PBX1: variants seen among roughly 807,000 people sequenced by gnomAD.
PBX1 encodes the protein PBX homeobox 1.
PBX1 carries 6 observed loss-of-function variants against 53.4 expected under a neutral mutation model. The ratio of observed to expected loss-of-function variants is 0.11; its 90% confidence interval spans 0.06 to 0.22. PBX1 has a LOEUF of 0.22. Ranked by LOEUF, PBX1 falls within the 10% of genes least tolerant of loss-of-function variation. The pLI, the probability that PBX1 is intolerant of heterozygous loss-of-function variation, is 1.00. For synonymous variants in PBX1, 204 were observed against 212.3 expected, an observed-to-expected ratio of 0.96 and a Z score of 0.34; for missense variants, 251 against 551.4, an observed-to-expected ratio of 0.46 and a Z score of 5.46.
At chr1:164,771,287 G>A (rs1161375607) in intron 2 of PBX1, 2 of 152,060 alleles carry the variant, frequency 1.3e-5, no homozygotes, top group African/African-American at 2.4e-5. Context: ...GTTGGGAGAC[G>A]GGGGTGGTGT....
intron 2 of PBX1, among the ~76,000 whole-genome samples, chr1:164,879,285 G>C (rs755667052): frequency 3.9e-5 from 6 of 152,162 alleles, no homozygotes; most frequent in Non-Finnish European, 8.8e-5. Context: ...TTGGAGTTGG[G>C]GGCTAGGGAA....
Position 164,587,085 on chromosome 1 carries a change from TTG to T in PBX1, c.265+23786_265+23787del, listed in dbSNP as rs146359939. Among the ~76,000 whole-genome samples, 328 of 152,144 alleles carry T rather than the reference TTG, an allele frequency of 2.2e-3. 1 individual carries two copies. The highest frequency in any genetic ancestry group is 7.3e-3 in the African/African-American group (304 of 41,502). ...GACATTGAGCAGCATAGGGTGTTGT[TTG>T]TGTGTGTGTGTCCCTGTTTCTCATT... On this transcript the variant is annotated intron_variant, in intron 2 of 8. Coordinates refer to ENST00000420696, the MANE Select transcript of PBX1 (RefSeq NM_002585.4).
chr1:164,821,738 G>A (rs1425578436), intron 8 of PBX1, 112 bp downstream of exon 8: 9 of 793,540 alleles, frequency 1.1e-5, no homozygotes, highest in Admixed American at 4.1e-5. Context: ...TTAGCTTTAC[G>A]GTCACCTAGT....
intron 2 of PBX1, among the ~76,000 whole-genome samples, chr1:164,663,204 TCCTTCCTGCCTTCCTG>T (rs922732686): frequency 1.3e-5 from 2 of 148,916 alleles, no homozygotes; most frequent in Non-Finnish European, 3.0e-5. Context: ...CTTCCTGCCT[TCCTTCCTGCCTTCCTG>T]CCTTCCTGCC....
At chr1:164,860,948 G>A (rs1672081960) in intron 2 of PBX1, among the ~76,000 whole-genome samples, 1 of 152,102 alleles carries the variant, frequency 6.6e-6, no homozygotes, top group South Asian at 2.1e-4. Flanking sequence ...GGAAAATACA[G>A]AGAGAAGGGG....
At chr1:164,721,312 C>T (rs949620379) in intron 2 of PBX1, among the ~76,000 whole-genome samples, 3 of 151,994 alleles carry the variant, frequency 2.0e-5, no homozygotes, top group Non-Finnish European at 4.4e-5. Context: ...GCATATGAAC[C>T]TGGGAGCCAT....
At chr1:164,695,150 T>C (rs1662733312) in intron 2 of PBX1, among the ~76,000 whole-genome samples, 1 of 152,192 alleles carries the variant, frequency 6.6e-6, no homozygotes, top group Admixed American at 6.5e-5. Flanking sequence ...TATTTAAAAT[T>C]TTAAGCTAAG....
chr1:164,775,638 A>G (rs575761176), intron 2 of PBX1, among the ~76,000 whole-genome samples: 1 of 152,160 alleles, frequency 6.6e-6, no homozygotes, highest in African/African-American at 2.4e-5. Context: ...CTGCCCAGTG[A>G]TGTTGGCGTG....
At chr1:164,809,591 C>G (rs1245460498) in intron 5 of PBX1, among the ~76,000 whole-genome samples, 1 of 152,204 alleles carries the variant, frequency 6.6e-6, no homozygotes. Context: ...ATTTACTAAT[C>G]ATGGTTTGTT....
At chr1:164,665,434 G>A (rs563280379) in intron 2 of PBX1, among the ~76,000 whole-genome samples, 17 of 152,144 alleles carry the variant, frequency 1.1e-4, no homozygotes, top group African/African-American at 3.4e-4. Context: ...ACAGGCATGC[G>A]CCACTATGCC....
At chr1:164,828,212 A>T (rs189043612) in intron 8 of PBX1, among the ~76,000 whole-genome samples, 3 of 152,240 alleles carry the variant, frequency 2.0e-5, no homozygotes, top group Admixed American at 6.5e-5. Flanking sequence ...ATGATCTTAA[A>T]CCTAGTGATA....
intron 2 of PBX1, chr1:164,884,434 A>G: frequency 2.9e-6 from 1 of 342,034 alleles, no homozygotes; most frequent in Non-Finnish European, 5.8e-6. Flanking sequence ...GAAAGAAATA[A>G]AAACTGAAAT....
At chr1:164,812,869 T>C (rs540980593) in intron 6 of PBX1, 2 of 152,276 alleles carry the variant, frequency 1.3e-5, no homozygotes, top group East Asian at 3.9e-4. Flanking sequence ...TAGTTAATAA[T>C]GCAAAAAATA....
chr1:164,769,695 A>T (rs1482562124), intron 2 of PBX1, among the ~76,000 whole-genome samples: 1 of 152,202 alleles, frequency 6.6e-6, no homozygotes, highest in Non-Finnish European at 1.5e-5. Context: ...ATCATTTATG[A>T]ATAACTTATA....
At chr1:164,801,708 T>C (rs1669083483) in intron 4 of PBX1, among the ~76,000 whole-genome samples, 1 of 152,356 alleles carries the variant, frequency 6.6e-6, no homozygotes, top group East Asian at 1.9e-4. Flanking sequence ...CAGGGTCTTT[T>C]TCTTGCTTTG....
Position 164,792,066 on chromosome 1 carries a change from A to C in PBX1, c.266-428A>C, listed in dbSNP as rs539507526. Among the ~76,000 whole-genome samples, 534 of 151,708 alleles carry C rather than the reference A, an allele frequency of 3.5e-3. 7 individuals are homozygous for C. Among genetic ancestry groups the C allele is most frequent in the African/African-American group, 0.011 (473 of 41,300 alleles). On this transcript the variant is annotated intron_variant, in intron 2 of 8. Transcript: ENST00000420696. ...TCTCGATCTCCTGACCTCGTGATCA[A>C]CCCCCCACTCAGCCTCCCAAAGTGC...
At chr1:164,603,928 C>CT (rs1557885817) in intron 2 of PBX1, among the ~76,000 whole-genome samples, 6 of 48,730 alleles carry the variant, frequency 1.2e-4, no homozygotes, top group African/African-American at 3.6e-4. Context: ...TATGTCATTT[C>CT]ATTTTTTTTT....
chr1:164,623,220 A>C (rs540945366), intron 2 of PBX1, among the ~76,000 whole-genome samples: 2 of 152,272 alleles, frequency 1.3e-5, no homozygotes, highest in East Asian at 3.9e-4. Context: ...GAGGATCATG[A>C]CTAATGCGGT....
chr1:164,760,743 T>C lies in PBX1; in HGVS notation c.266-31751T>C, dbSNP rs181888733. On this transcript the variant is annotated intron_variant, in intron 2 of 8. Transcript: ENST00000420696. ...TTACAGATGGTACTTGCTTCATCCT[T>C]CTGGACCTGGTTCAATTATAAATGA... Among the ~76,000 whole-genome samples the C allele has an allele frequency of 2.6e-5, 4 of 152,306 alleles. No individual in the cohort carries two copies. The East Asian group carries it at 7.7e-4, about 29-fold the overall frequency.
Sources: gnomAD v4.1 joint callset for allele counts (sites outside exome capture counted in the v4.1 genomes callset) on GRCh38, gnomAD v4.1.1 for gene constraint, MANE v1.5 for transcripts, NCBI Gene and HGNC (gene_info 2026-07-23, HGNC 2026-07-21) for gene names.